Variants in NFIB observed in about 807,000 individuals in gnomAD.
The protein encoded by NFIB is nuclear factor 1 B-type.
A neutral mutation model predicts 61.5 loss-of-function variants in NFIB; 11 were observed. The ratio of observed to expected loss-of-function variants is 0.18; its 90% CI spans 0.11 to 0.30. The LOEUF (loss-of-function observed/expected upper bound fraction) is 0.30. NFIB is among the 10% of genes least tolerant of loss of function. The pLI, the probability that NFIB is intolerant of heterozygous loss-of-function variation, is 1.00. For missense variants in NFIB, 471 were observed against 608.9 expected (o/e 0.77, Z 2.38); for synonymous variants, 260 against 216.5 (o/e 1.20, Z -1.76).
At chr9:14,524,917 G>A in the NFIB span, among the ~76,000 whole-genome samples, 141 of 152,316 alleles carry the variant, frequency 9.3e-4, 1 homozygote, top group Middle Eastern at 0.01. Context: ...TCAAGTCGTT[G>A]ACTGTGTATT....
chr9:14,244,948 T>A (rs2054746590), intron 2 of NFIB, among the ~76,000 whole-genome samples: 1 of 152,196 alleles, frequency 6.6e-6, no homozygotes, highest in African/African-American at 2.4e-5. Context: ...CGGATTCTCC[T>A]CCTACTTATC....
intron 10 of NFIB, among the ~76,000 whole-genome samples, chr9:14,092,679 T>C (rs2034120575): frequency 6.6e-6 from 1 of 152,074 alleles, no homozygotes; most frequent in Non-Finnish European, 1.5e-5. Flanking sequence ...CGAAAGAGAC[T>C]AGTGCACAGA....
intron 5 of NFIB, among the ~76,000 whole-genome samples, chr9:14,147,228 A>AGT (rs1215936080): frequency 1.3e-5 from 2 of 152,170 alleles, no homozygotes; most frequent in African/African-American, 4.8e-5. Context: ...AAGGTAATAA[A>AGT]GTAAAACAAG....
intron 1 of NFIB, among the ~76,000 whole-genome samples, chr9:14,324,150 T>C (rs1350368742): frequency 1.3e-5 from 2 of 152,200 alleles, no homozygotes; most frequent in Admixed American, 6.5e-5. Flanking sequence ...CTCCAAGTTA[T>C]TGTAACCACT....
chr9:14,497,558 G>C, the NFIB span, among the ~76,000 whole-genome samples: 3 of 152,174 alleles, frequency 2.0e-5, no homozygotes, highest in Non-Finnish European at 4.4e-5. Flanking sequence ...CATTGTTTAA[G>C]ACACTTTTCA....
intron 10 of NFIB, among the ~76,000 whole-genome samples, chr9:14,091,452 TA>T (rs1455392268): frequency 6.6e-6 from 1 of 151,988 alleles, no homozygotes; most frequent in Non-Finnish European, 1.5e-5. Flanking sequence ...ATGGATAAAA[TA>T]AACACACAAA....
chr9:14,502,288 C>T, the NFIB span, among the ~76,000 whole-genome samples: 1 of 152,138 alleles, frequency 6.6e-6, no homozygotes, highest in African/African-American at 2.4e-5. Context: ...GTTTTTCCAC[C>T]TAATGTCTTT....
chr9:14,257,420 GA>G (rs1477850275), intron 2 of NFIB, among the ~76,000 whole-genome samples: 2 of 152,144 alleles, frequency 1.3e-5, no homozygotes, highest in Non-Finnish European at 2.9e-5. Flanking sequence ...GCTCAGTGCT[GA>G]ATGAACAAGA....
intron 10 of NFIB, among the ~76,000 whole-genome samples, chr9:14,106,347 A>G (rs921998834): frequency 1.3e-5 from 2 of 152,152 alleles, no homozygotes; most frequent in Admixed American, 6.6e-5. Context: ...ATGAAATTCT[A>G]TTGTCTAGAA....
chr9:14,392,285 A>G (rs1163953003), intron 1 of NFIB, among the ~76,000 whole-genome samples: 1 of 152,236 alleles, frequency 6.6e-6, no homozygotes, highest in Non-Finnish European at 1.5e-5. Context: ...TCAGGTGATC[A>G]TTGTCTATCA....
chr9:14,220,491 C>A (rs577228226), intron 2 of NFIB, among the ~76,000 whole-genome samples: 1 of 152,106 alleles, frequency 6.6e-6, no homozygotes, highest in Non-Finnish European at 1.5e-5. Flanking sequence ...GGGCATGGGG[C>A]TCCCTTTCGA....
intron 2 of NFIB, among the ~76,000 whole-genome samples, chr9:14,218,396 C>G (rs1026152885): frequency 3.3e-5 from 5 of 152,246 alleles, no homozygotes; most frequent in Middle Eastern, 6.8e-3. Context: ...ACCAATAAAA[C>G]CCAGATTCCA....
At chr9:14,349,167 G>C (rs951348971) in intron 1 of NFIB, among the ~76,000 whole-genome samples, 1 of 152,218 alleles carries the variant, frequency 6.6e-6, no homozygotes, top group Non-Finnish European at 1.5e-5. Context: ...CGAAGCTAGC[G>C]AGGACAATTT....
intron 6 of NFIB, among the ~76,000 whole-genome samples, chr9:14,127,612 T>C (rs2039842569): frequency 6.6e-6 from 1 of 152,172 alleles, no homozygotes; most frequent in Admixed American, 6.5e-5. Context: ...ATACAAAATG[T>C]ACACAATTTG....
At chr9:14,292,306 T>G (rs1169191833) in intron 2 of NFIB, among the ~76,000 whole-genome samples, 1 of 152,196 alleles carries the variant, frequency 6.6e-6, no homozygotes, top group Non-Finnish European at 1.5e-5. Flanking sequence ...TTCTACAAGT[T>G]AAAGACCTCT....
intron 4 of NFIB, among the ~76,000 whole-genome samples, chr9:14,152,873 G>A (rs2043013183): frequency 1.3e-5 from 2 of 151,992 alleles, no homozygotes; most frequent in South Asian, 4.2e-4. Context: ...GGGGGAGGGT[G>A]GGGAGGTGAG....
intron 1 of NFIB, among the ~76,000 whole-genome samples, chr9:14,371,736 C>A (rs986217539): frequency 2.0e-5 from 3 of 152,144 alleles, no homozygotes; most frequent in Non-Finnish European, 2.9e-5. Context: ...TAGTAGCTAC[C>A]CCCTTTAACA....
intron 1 of NFIB, among the ~76,000 whole-genome samples, chr9:14,372,863 TA>T (rs1412851802): frequency 1.3e-5 from 2 of 150,886 alleles, no homozygotes; most frequent in East Asian, 2.0e-4. Flanking sequence ...CAGAGAAGAA[TA>T]AAAAAAGTTA....
At chr9:14,208,238 T>TA (rs1207442061) in intron 2 of NFIB, among the ~76,000 whole-genome samples, 3 of 151,802 alleles carry the variant, frequency 2.0e-5, no homozygotes, top group Non-Finnish European at 2.9e-5. Context: ...TACGTGGTGT[T>TA]AAAAAAAAGA....
Sources: allele counts gnomAD v4.1 joint callset (sites outside exome capture counted in the v4.1 genomes callset), GRCh38; gene constraint gnomAD v4.1.1; transcripts MANE v1.5; gene names NCBI Gene and HGNC (gene_info 2026-07-23, HGNC 2026-07-21).